RUFY4: variants seen among roughly 807,000 people sequenced by gnomAD.
RUFY4 encodes the protein RUN and FYVE domain containing 4.
In RUFY4, 73 loss-of-function variants were observed where a neutral mutation model predicts 69.0. The ratio of observed to expected loss-of-function variants is 1.06; its 90% CI spans 0.88 to 1.29. RUFY4 has a LOEUF of 1.29. RUFY4 is among the 50% of genes most tolerant of loss of function. The pLI, the probability that RUFY4 is intolerant of heterozygous loss-of-function variation, is 0.00. For missense variants in RUFY4, 770 were observed against 705.6 expected, an observed-to-expected ratio of 1.09 and a Z score of -1.03; for synonymous variants, 287 against 271.8, an observed-to-expected ratio of 1.06 and a Z score of -0.55.
chr2:218,082,317 C>T (rs947735784), intron 8 of RUFY4, among the ~76,000 whole-genome samples: 4 of 152,154 alleles, frequency 2.6e-5, no homozygotes, highest in Admixed American at 6.5e-5. Context: ...TCACTGCTCC[C>T]CTTCCACACA....
exon 11 of RUFY4, chr2:218,090,078 C>G: frequency 6.8e-7 from 1 of 1,461,004 alleles, no homozygotes; most frequent in Non-Finnish European, 9.3e-7. Flanking sequence ...CAGCCCATGA[C>G]TGGCCTCCCA....
intron 8 of RUFY4, among the ~76,000 whole-genome samples, chr2:218,077,058 G>A (rs966913723): frequency 2.0e-5 from 3 of 152,156 alleles, no homozygotes; most frequent in Non-Finnish European, 4.4e-5. Context: ...TATGAGATGA[G>A]TTCTATAGAA....
chr2:218,079,958 G>A (rs1276626037), intron 8 of RUFY4, among the ~76,000 whole-genome samples: 2 of 152,202 alleles, frequency 1.3e-5, no homozygotes, highest in South Asian at 4.1e-4. Flanking sequence ...GAGAAAGACA[G>A]GATAGTCATT....
chr2:218,065,235 G>C (rs1475801565), upstream of RUFY4, among the ~76,000 whole-genome samples: 1 of 152,200 alleles, frequency 6.6e-6, no homozygotes, highest in African/African-American at 2.4e-5. Flanking sequence ...ACTGCAGGCA[G>C]GGCATCAGAG....
chr2:218,070,727 C>G lies in RUFY4; in HGVS notation c.47-26C>G, dbSNP rs541919357. The G allele has an allele frequency of 3.9e-6, 6 of 1,536,052 alleles. No homozygotes were observed. The African/African-American group carries it at 8.2e-5, about 21-fold the overall frequency. On this transcript the variant is annotated intron_variant, in intron 1 of 10. Coordinates refer to ENST00000344321, the Ensembl canonical transcript of RUFY4. ...GGTCTGGGAGCCCCTCCCTCAGCGA[C>G]CTGACATCTGCCATCCTCCCAGCAG...
intron 3 of RUFY4, chr2:218,060,257 A>C: frequency 7.7e-7 from 1 of 1,306,438 alleles, no homozygotes; most frequent in Non-Finnish European, 1.0e-6. Flanking sequence ...TGAGACCAAG[A>C]AGAGCTAGTG....
At chr2:218,039,516 G>C (rs1559418811) in intron 2 of RUFY4, among the ~76,000 whole-genome samples, 1 of 152,210 alleles carries the variant, frequency 6.6e-6, no homozygotes, top group South Asian at 2.1e-4. Context: ...CTCACAGGCT[G>C]GGGGAGGGTG....
At chr2:218,056,390 A>C (rs1158794794) in intron 2 of RUFY4, among the ~76,000 whole-genome samples, 1 of 152,152 alleles carries the variant, frequency 6.6e-6, no homozygotes, top group Non-Finnish European at 1.5e-5. Context: ...GCTAAACTCC[A>C]GGCAACTCTG....
chr2:218,079,967 T>C (rs1308903618), intron 8 of RUFY4, among the ~76,000 whole-genome samples: 3 of 152,170 alleles, frequency 2.0e-5, no homozygotes, highest in Non-Finnish European at 4.4e-5. Flanking sequence ...AGGATAGTCA[T>C]TCAGACTGGG....
exon 7 of RUFY4, chr2:218,075,396 G>A (rs752509147): frequency 6.2e-7 from 1 of 1,613,238 alleles, no homozygotes; most frequent in Non-Finnish European, 8.5e-7. Flanking sequence ...GGGGAAGGGG[G>A]CTATGGGCAC....
intron 7 of RUFY4, 126 bp downstream of exon 9, chr2:218,075,866 A>C: frequency 9.0e-6 from 9 of 997,678 alleles, no homozygotes; most frequent in Non-Finnish European, 1.2e-5. Flanking sequence ...CCCACTCAGG[A>C]TTATTATTTG....
intron 3 of RUFY4, chr2:218,060,240 C>T (rs925985184): frequency 5.1e-6 from 6 of 1,178,238 alleles, no homozygotes; most frequent in Non-Finnish European, 7.1e-6. Flanking sequence ...GGGGGCTGCA[C>T]TGACACTGAG....
chr2:218,035,782 C>T (rs73082319), intron 2 of RUFY4, among the ~76,000 whole-genome samples: 16,371 of 152,246 alleles, frequency 0.11, 2,816 homozygotes, highest in African/African-American at 0.36. Flanking sequence ...CTGCTCCCCC[C>T]ACACACGCAG....
At chr2:218,036,098 T>C (rs1185636499) in intron 2 of RUFY4, among the ~76,000 whole-genome samples, 2 of 152,172 alleles carry the variant, frequency 1.3e-5, no homozygotes, top group Non-Finnish European at 2.9e-5. Flanking sequence ...AGACTTACCC[T>C]CTCTGTGCCC....
In RUFY4 at chr2:218,072,329, G is replaced by T. The variant is rs773337222; in HGVS notation, c.154-45G>T. ...CAAGCTAGAATGCAGGGCGTGTTCT[G>T]GGAGGAAGCATTTCTACACTTTCTT... On this transcript the variant is annotated intron_variant, in intron 2 of 10. Coordinates refer to ENST00000344321, the Ensembl canonical transcript of RUFY4. 3.9e-6 allele frequency: 6 copies of T among 1,532,402 alleles called. No homozygotes were observed. The South Asian group carries it at 7.2e-5, about 18-fold the overall frequency. 94.9% of individuals were successfully genotyped at this position (1,532,402 alleles called of 1,614,324 possible).
chr2:218,075,583 G>T, exon 7 of RUFY4: 1 of 1,525,328 alleles, frequency 6.6e-7, no homozygotes. Flanking sequence ...AGCAGGCAGG[G>T]GTCGGGGGGC....
chr2:218,076,328 T>C, intron 7 of RUFY4, 99 bp from the exon 10 acceptor site: 1 of 1,465,882 alleles, frequency 6.8e-7, no homozygotes, highest in Non-Finnish European at 9.1e-7. Context: ...TGCCAGGGCA[T>C]GGCCTGGGGT....
chr2:218,077,612 T>C (rs561999431), intron 8 of RUFY4, among the ~76,000 whole-genome samples: 3 of 152,336 alleles, frequency 2.0e-5, no homozygotes, highest in Admixed American at 2.0e-4. Flanking sequence ...TCTGCCCACC[T>C]GCCCCTGTCT....
intron 2 of RUFY4, among the ~76,000 whole-genome samples, chr2:218,051,797 G>A (rs1559423308): frequency 6.6e-6 from 1 of 152,140 alleles, no homozygotes; most frequent in African/African-American, 2.4e-5. Flanking sequence ...GGTCTTCTAT[G>A]TTTGAAACAG....
Sources: gnomAD v4.1 joint callset for allele counts (sites outside exome capture counted in the v4.1 genomes callset) on GRCh38, gnomAD v4.1.1 for gene constraint, MANE v1.5 for transcripts, NCBI Gene and HGNC (gene_info 2026-07-23, HGNC 2026-07-21) for gene names.